KCNQ5: variants seen among roughly 807,000 people sequenced by gnomAD.
The protein encoded by KCNQ5 is potassium voltage-gated channel subfamily Q member 5, also known as potassium voltage-gated channel subfamily KQT member 5.
Under a neutral mutation model 98.2 loss-of-function variants are expected in KCNQ5, and 30 were observed. That is an observed-to-expected ratio of 0.31 (90% CI 0.23 to 0.41). KCNQ5 has a LOEUF of 0.41. Among genes scored for constraint, KCNQ5 ranks in the 10% least tolerant of loss-of-function variants. The probability of loss-of-function intolerance (pLI) is 1.00; values close to 1 mark genes in which losing one functional copy is unlikely to be tolerated. For synonymous variants in KCNQ5, 458 were observed against 449.4 expected, an observed-to-expected ratio of 1.02 and a Z score of -0.24; for missense variants, 835 against 1,182.5, an observed-to-expected ratio of 0.71 and a Z score of 4.31.
intron 1 of KCNQ5, among the ~76,000 whole-genome samples, chr6:72,777,084 TAAGC>T: frequency 6.6e-6 from 1 of 152,328 alleles, no homozygotes; most frequent in Admixed American, 6.5e-5. Context: ...CAGAATAGTG[TAAGC>T]AGGGAGCTGA....
At chr6:72,941,866 G>T (rs764965980) in intron 1 of KCNQ5, among the ~76,000 whole-genome samples, 1 of 151,972 alleles carries the variant, frequency 6.6e-6, no homozygotes, top group African/African-American at 2.4e-5. Flanking sequence ...AGTCTAATGC[G>T]GGGAAAAGTT....
chr6:72,960,490 GGCGATCTCGGCTCACTGCAACCTCC>G (rs1325165792), intron 1 of KCNQ5, among the ~76,000 whole-genome samples: 1 of 151,916 alleles, frequency 6.6e-6, no homozygotes, highest in Non-Finnish European at 1.5e-5. Flanking sequence ...AGTGCAATGG[GGCGATCTCGGCTCACTGCAACCTCC>G]GCCTCCTGAG....
At chr6:73,080,772 C>A (rs1203477387) in intron 5 of KCNQ5, among the ~76,000 whole-genome samples, 1 of 152,108 alleles carries the variant, frequency 6.6e-6, no homozygotes, top group African/African-American at 2.4e-5. Context: ...ACAGTATCAA[C>A]ATTAAGTATC....
intron 1 of KCNQ5, among the ~76,000 whole-genome samples, chr6:72,881,922 A>G (rs1778647533): frequency 6.6e-6 from 1 of 152,124 alleles, no homozygotes; most frequent in Non-Finnish European, 1.5e-5. Context: ...AACTCCTGAC[A>G]TCAGGTGATC....
Position 72,968,973 on chromosome 6 carries a change from T to C in KCNQ5, c.399-34935T>C, listed in dbSNP as rs150593304. ...AATTGGTATGTGATGACTTTATACC[T>C]GAAACTAAGGAGTTGAGGAATAAGC... On this transcript the variant is annotated intron_variant, in intron 1 of 13. Coordinates refer to ENST00000370398, the MANE Select transcript of KCNQ5 (RefSeq NM_019842.4). 1.9e-3 allele frequency among the ~76,000 whole-genome samples: 283 copies of C among 152,288 alleles called. 2 individuals are homozygous for C. The highest frequency in any genetic ancestry group is 6.4e-3 in the African/African-American group (266 of 41,562).
intron 1 of KCNQ5, among the ~76,000 whole-genome samples, chr6:72,681,259 G>C (rs1277584623): frequency 6.6e-6 from 1 of 152,208 alleles, no homozygotes; most frequent in Non-Finnish European, 1.5e-5. Context: ...GATGATGCTA[G>C]TTTGTAACTA....
At chr6:72,917,993 C>T (rs970788596) in intron 1 of KCNQ5, among the ~76,000 whole-genome samples, 1 of 152,136 alleles carries the variant, frequency 6.6e-6, no homozygotes, top group Non-Finnish European at 1.5e-5. Flanking sequence ...GCCCACTAGA[C>T]GCAATAGCAC....
rs1554203585 is a variant in KCNQ5 at position 73,063,721 on chromosome 6, T to TAGATAGATAGATGATAGATA, written c.617-13601_617-13600insAGATAGATAGATGATAGATA. 4.1e-4 allele frequency among the ~76,000 whole-genome samples: 39 copies of TAGATAGATAGATGATAGATA among 96,068 alleles called. 1 individual carries two copies. Among genetic ancestry groups the TAGATAGATAGATGATAGATA allele is most frequent in the Non-Finnish European group, 5.9e-4 (27 of 45,388 alleles). 63.0% of individuals were successfully genotyped at this position (96,068 alleles called of 152,430 possible). Reference sequence around the variant, plus strand: ...ATAGATAGATAGATAGATAGATAGATGATAGATAGATAGATAGATAGATAG... The same window carrying TAGATAGATAGATGATAGATA: ...ATAGATAGATAGATAGATAGATAGATAGATAGATAGATGATAGATAGATAGATAGATAGATAGATAGATAG... On this transcript the variant is annotated intron_variant, in intron 3 of 13. Coordinates refer to ENST00000370398, the MANE Select transcript of KCNQ5 (RefSeq NM_019842.4).
Position 73,123,805 on chromosome 6 carries a change from A to C in KCNQ5, c.1221-681A>C, listed in dbSNP as rs893787723. On this transcript the variant is annotated intron_variant, in intron 8 of 13. Coordinates refer to ENST00000370398, the MANE Select transcript of KCNQ5 (RefSeq NM_019842.4). ...AGAAGTGGGGATTTGGAGATTATCT[A>C]ACCTAAAGCCTTTGATTTACTCATA... 6.6e-5 allele frequency among the ~76,000 whole-genome samples: 10 copies of C among 152,162 alleles called. No homozygotes were observed. The South Asian group carries it at 1.9e-3, about 28-fold the overall frequency.
At chr6:72,784,993 A>G (rs569376315) in intron 1 of KCNQ5, among the ~76,000 whole-genome samples, 1 of 152,362 alleles carries the variant, frequency 6.6e-6, no homozygotes, top group East Asian at 1.9e-4. Context: ...GCTAAACAGC[A>G]GTTTAAAAAT....
chr6:72,916,887 A>C (rs1780169734), intron 1 of KCNQ5, among the ~76,000 whole-genome samples: 1 of 152,190 alleles, frequency 6.6e-6, no homozygotes, highest in African/African-American at 2.4e-5. Flanking sequence ...CAACTTCTGC[A>C]GTCACTTACA....
rs1448137169 is a variant in KCNQ5 at position 72,987,813 on chromosome 6, GA to G, written c.399-16094del. ...CTTTGATTATCCCATTTATGCTGGAGATTACAAGTTTTTTTTGGTGAAAAAT... is the reference window on the plus strand; with the variant it reads ...CTTTGATTATCCCATTTATGCTGGAGTTACAAGTTTTTTTTGGTGAAAAAT... On this transcript the variant is annotated intron_variant, in intron 1 of 13. Coordinates refer to ENST00000370398, the MANE Select transcript of KCNQ5 (RefSeq NM_019842.4). 5 of 375,936 alleles carry G rather than the reference GA, an allele frequency of 1.3e-5. No homozygotes were observed. In the Admixed American group the frequency reaches 1.7e-4, roughly 13 times the overall value. The allele number at this position is 375,936 out of a possible 1,614,324, so 23.3% of individuals were successfully genotyped here. A position where few individuals can be genotyped will look rare whatever the true frequency, so the allele number is the denominator to read the frequency against.
rs576602242 is a variant in KCNQ5, at chr6:72,807,331, G to A, written c.398+184744G>A. On this transcript the variant is annotated intron_variant, in intron 1 of 13. Transcript: ENST00000370398. ...TTATTATGAAAATAACAATATAATAGTTATTTCAAAAGTAATTGATTGATT... is the reference window on the plus strand; with the variant it reads ...TTATTATGAAAATAACAATATAATAATTATTTCAAAAGTAATTGATTGATT... Among the ~76,000 whole-genome samples the A allele has an allele frequency of 1.4e-4, 21 of 152,038 alleles. No individual in the cohort carries two copies. In the South Asian group the frequency reaches 4.4e-3, roughly 32 times the overall value.
chr6:72,839,951 T>G (rs1776712781), intron 1 of KCNQ5, among the ~76,000 whole-genome samples: 1 of 152,168 alleles, frequency 6.6e-6, no homozygotes, highest in Non-Finnish European at 1.5e-5. Context: ...TGCCAAAAAT[T>G]TATTTCTCCT....
At chr6:72,833,746 A>T (rs1776387023) in intron 1 of KCNQ5, among the ~76,000 whole-genome samples, 4 of 152,164 alleles carry the variant, frequency 2.6e-5, no homozygotes, top group Admixed American at 2.0e-4. Flanking sequence ...ATATTTAAAG[A>T]TAAAAGTTGC....
At chr6:72,865,381 A>G (rs1052749646) in intron 1 of KCNQ5, among the ~76,000 whole-genome samples, 1 of 152,354 alleles carries the variant, frequency 6.6e-6, no homozygotes, top group Middle Eastern at 3.4e-3. Flanking sequence ...AGTACCTCAT[A>G]GATATAATCT....
At position 72,881,524 on chromosome 6, in the gene KCNQ5, A is replaced by G. The variant is rs578209010; in HGVS notation, c.399-122384A>G. Among the ~76,000 whole-genome samples, 6 of 152,282 alleles carry G rather than the reference A, an allele frequency of 3.9e-5. No individual in the cohort carries two copies. The East Asian group carries it at 9.6e-4, about 24-fold the overall frequency. On this transcript the variant is annotated intron_variant, in intron 1 of 13. Transcript: ENST00000370398. ...GACAAGCATGATAAGATAGTCAAAG[A>G]TATTATCTATCAACATTTCTTCAAA... is the stretch of plus-strand genomic sequence containing the variant.
At chr6:72,839,154 G>A (rs1434626008) in intron 1 of KCNQ5, among the ~76,000 whole-genome samples, 3 of 117,870 alleles carry the variant, frequency 2.5e-5, no homozygotes, top group Admixed American at 2.3e-4. Flanking sequence ...TTTCTGGACT[G>A]TGTATTTGAC....
At chr6:73,181,777 G>T (rs76726401) in intron 11 of KCNQ5, among the ~76,000 whole-genome samples, 2,168 of 152,282 alleles carry the variant, frequency 0.014, 48 homozygotes, top group African/African-American at 0.05. Flanking sequence ...GAGCCAAACT[G>T]GTTCACGTCC....
Sources: allele counts gnomAD v4.1 joint callset (sites outside exome capture counted in the v4.1 genomes callset), GRCh38; gene constraint gnomAD v4.1.1; transcripts MANE v1.5; gene names NCBI Gene and HGNC (gene_info 2026-07-23, HGNC 2026-07-21).